The following RXFP1 variants were observed in gnomAD, a reference collection of about 807,000 sequenced individuals.
RXFP1 encodes relaxin family peptide receptor 1, also known as relaxin receptor 1.
Under a neutral mutation model 89.8 loss-of-function variants are expected in RXFP1, and 73 were observed. That is an observed-to-expected ratio of 0.81 (90% CI 0.67 to 0.99). The LOEUF is 0.99. Ranked by LOEUF, RXFP1 falls within the 50% of genes least tolerant of loss-of-function variation. The probability of loss-of-function intolerance (pLI) is 0.00; values close to 1 mark genes in which losing one functional copy is unlikely to be tolerated. For missense variants in RXFP1, 793 were observed against 895.5 expected, an observed-to-expected ratio of 0.89 and a Z score of 1.46; for synonymous variants, 277 against 305.5, an observed-to-expected ratio of 0.91 and a Z score of 0.97.
intron 2 of RXFP1, among the ~76,000 whole-genome samples, chr4:158,582,975 T>G (rs962868661): frequency 6.6e-6 from 1 of 152,232 alleles, no homozygotes; most frequent in African/African-American, 2.4e-5. Flanking sequence ...GAAATTTGAC[T>G]ACCTTATTAT....
intron 8 of RXFP1, among the ~76,000 whole-genome samples, chr4:158,615,984 A>T (rs1375940508): frequency 2.0e-5 from 3 of 152,172 alleles, no homozygotes; most frequent in Admixed American, 2.0e-4. Context: ...TACTCTGAGA[A>T]TTACCAAAAT....
chr4:158,575,996 A>C (rs1756113164), intron 2 of RXFP1, among the ~76,000 whole-genome samples: 1 of 152,146 alleles, frequency 6.6e-6, no homozygotes, highest in Admixed American at 6.6e-5. Flanking sequence ...TCATCTGTGG[A>C]TCAGCTATGC....
chr4:158,642,261 C>T lies in RXFP1; in HGVS notation c.1116-2648C>T, dbSNP rs150814650. Among the ~76,000 whole-genome samples, 21 of 152,198 alleles carry T rather than the reference C, an allele frequency of 1.4e-4. No individual in the cohort carries two copies. In the East Asian group the frequency reaches 4.1e-3, roughly 29 times the overall value. ...TCAGATCAGGATAAAGGATAATTAG[C>T]ATATCCATCCTCTCAAACATTTATC... is the stretch of plus-strand genomic sequence containing the variant. On this transcript the variant is annotated intron_variant, in intron 14 of 17. Coordinates refer to ENST00000307765, the MANE Select transcript of RXFP1 (RefSeq NM_021634.4).
intron 1 of RXFP1, among the ~76,000 whole-genome samples, chr4:158,545,566 G>A (rs935048778): frequency 7.9e-5 from 12 of 152,046 alleles, no homozygotes; most frequent in Non-Finnish European, 1.8e-4. Context: ...TTTCTTCTAG[G>A]GCTTTTATGG....
intron 1 of RXFP1, among the ~76,000 whole-genome samples, chr4:158,570,900 C>T (rs1057372100): frequency 1.3e-5 from 2 of 152,146 alleles, no homozygotes; most frequent in Non-Finnish European, 2.9e-5. Flanking sequence ...ACAACCCTCC[C>T]AGAGTTCCGT....
At chr4:158,594,702 T>A (rs531847125) in intron 3 of RXFP1, among the ~76,000 whole-genome samples, 1 of 152,332 alleles carries the variant, frequency 6.6e-6, no homozygotes, top group African/African-American at 2.4e-5. Flanking sequence ...TGAATTTTTT[T>A]AAGCCCAGTT....
intron 1 of RXFP1, among the ~76,000 whole-genome samples, chr4:158,549,764 G>A (rs1378739369): frequency 9.2e-5 from 14 of 152,300 alleles, no homozygotes; most frequent in Admixed American, 3.3e-4. Context: ...GTAGAACAGC[G>A]GATCTTGGTG....
At chr4:158,531,995 G>A (rs1035293071) in intron 1 of RXFP1, among the ~76,000 whole-genome samples, 1 of 152,018 alleles carries the variant, frequency 6.6e-6, no homozygotes, top group Non-Finnish European at 1.5e-5. Context: ...TGGGTATATC[G>A]TGTGATGCTG....
intron 8 of RXFP1, among the ~76,000 whole-genome samples, chr4:158,614,572 C>T (rs1025161205): frequency 2.1e-4 from 32 of 152,196 alleles, no homozygotes; most frequent in African/African-American, 7.0e-4. Context: ...TCTGCAGCTC[C>T]TTCACCTCTC....
intron 5 of RXFP1, among the ~76,000 whole-genome samples, chr4:158,606,088 C>T (rs945416041): frequency 2.6e-5 from 4 of 152,106 alleles, no homozygotes; most frequent in African/African-American, 9.7e-5. Flanking sequence ...TCATTCTGAA[C>T]ATTTATCAGT....
At chr4:158,602,549 TATAA>T (rs538786165) in intron 4 of RXFP1, among the ~76,000 whole-genome samples, 179 of 136,870 alleles carry the variant, frequency 1.3e-3, no homozygotes, top group African/African-American at 5.9e-3. Flanking sequence ...GAAATGAATT[TATAA>T]ATAAATACAA....
chr4:158,552,141 G>A (rs1750291225), intron 1 of RXFP1, among the ~76,000 whole-genome samples: 1 of 152,100 alleles, frequency 6.6e-6, no homozygotes, highest in Non-Finnish European at 1.5e-5. Context: ...GGTGTGAAAT[G>A]GAAATGCTGT....
At chr4:158,601,057 A>G (rs1579965220) in intron 4 of RXFP1, among the ~76,000 whole-genome samples, 1 of 152,260 alleles carries the variant, frequency 6.6e-6, no homozygotes, top group African/African-American at 2.4e-5. Flanking sequence ...GGAGGGGAAT[A>G]AGGCAATGGC....
intron 2 of RXFP1, among the ~76,000 whole-genome samples, chr4:158,577,801 G>A (rs1163949426): frequency 6.6e-6 from 1 of 152,070 alleles, no homozygotes; most frequent in African/African-American, 2.4e-5. Flanking sequence ...ATTATATTTA[G>A]AAAGAACTGT....
chr4:158,556,467 G>A (rs1448987710), intron 1 of RXFP1, among the ~76,000 whole-genome samples: 2 of 152,142 alleles, frequency 1.3e-5, no homozygotes, highest in Non-Finnish European at 2.9e-5. Context: ...CACACTGCTG[G>A]TAGGAAATTA....
At chr4:158,633,872 C>T (rs750411309) in intron 12 of RXFP1, among the ~76,000 whole-genome samples, 11 of 152,168 alleles carry the variant, frequency 7.2e-5, no homozygotes, top group Non-Finnish European at 1.6e-4. Context: ...TTCCTTCCTT[C>T]TTAAGGCTGA....
At position 158,646,870 on chromosome 4, in the gene RXFP1, T is replaced by G. The variant is rs1411034549; in HGVS notation, c.1425T>G (p.His475Gln). Reference protein sequence around the residue: ...DLKFRGEYNKHAQLWMESTHC... With the variant: ...DLKFRGEYNKQAQLWMESTHC... ...AGTTTCGTGGAGAATACAATAAGCA[T>G]GCGCAGCTGTGGATGGAGAGTACTC... is the stretch of plus-strand genomic sequence containing the variant. The change falls in exon 16 of 18, where the codon CAT becomes CAG. Residue 475 changes from histidine to glutamine, a missense_variant. Transcript: ENST00000307765. The G allele has an allele frequency of 1.2e-6, 2 of 1,614,154 alleles. No homozygotes were observed. Among genetic ancestry groups the G allele is most frequent in the East Asian group, 4.5e-5 (2 of 44,882 alleles).
intron 3 of RXFP1, among the ~76,000 whole-genome samples, chr4:158,594,723 A>G (rs917601097): frequency 6.6e-6 from 1 of 152,170 alleles, no homozygotes; most frequent in Non-Finnish European, 1.5e-5. Context: ...GAATAAGTAT[A>G]TTTTAAACAT....
At chr4:158,648,842 G>A in intron 17 of RXFP1, 125 bp downstream of exon 17, 1 of 655,914 alleles carries the variant, frequency 1.5e-6, no homozygotes, top group Non-Finnish European at 2.5e-6. Context: ...TCCGAGCACA[G>A]TGGCTCATGC....
Sources: allele counts gnomAD v4.1 joint callset (sites outside exome capture counted in the v4.1 genomes callset), GRCh38; gene constraint gnomAD v4.1.1; transcripts MANE v1.5; gene names NCBI Gene and HGNC (gene_info 2026-07-23, HGNC 2026-07-21).